Variants in PLAT observed in about 807,000 individuals in gnomAD.
The protein encoded by PLAT is plasminogen activator, tissue type.
In PLAT, 48 loss-of-function variants were observed where a neutral mutation model predicts 74.9. That is an observed-to-expected ratio of 0.64 (90% CI 0.51 to 0.82). PLAT has a LOEUF of 0.82. Among genes scored for constraint, PLAT ranks in the 40% least tolerant of loss-of-function variants. The pLI, the probability that PLAT is intolerant of heterozygous loss-of-function variation, is 0.00. For missense variants in PLAT, 673 were observed against 736.2 expected, an observed-to-expected ratio of 0.91 and a Z score of 0.99; for synonymous variants, 307 against 294.4, an observed-to-expected ratio of 1.04 and a Z score of -0.44.
At chr8:42,206,343 G>C (rs1201343903) in intron 1 of PLAT, among the ~76,000 whole-genome samples, 1 of 152,144 alleles carries the variant, frequency 6.6e-6, no homozygotes, top group Admixed American at 6.6e-5. Flanking sequence ...GCTGGAGTCC[G>C]ACTCTGCCTG....
At chr8:42,198,799 A>T (rs563301150) in intron 1 of PLAT, among the ~76,000 whole-genome samples, 5 of 152,250 alleles carry the variant, frequency 3.3e-5, no homozygotes, top group Admixed American at 3.3e-4. Flanking sequence ...AAACCTGAGC[A>T]AGAGAAAGTC....
intron 1 of PLAT, among the ~76,000 whole-genome samples, chr8:42,202,501 C>T (rs1281946101): frequency 6.6e-6 from 1 of 152,018 alleles, no homozygotes; most frequent in East Asian, 1.9e-4. Context: ...ACCAGACCCC[C>T]ACCCTGCCCC....
intron 7 of PLAT, 138 bp from the exon 8 acceptor site, chr8:42,183,028 C>T (rs1255370477): frequency 8.1e-6 from 5 of 615,710 alleles, no homozygotes; most frequent in African/African-American, 1.9e-5. Context: ...TAACACCTCA[C>T]ACTTCCCCTT....
chr8:42,187,101 TATCA>T (rs8178754), intron 6 of PLAT: 3,344 of 290,268 alleles, frequency 0.012, 103 homozygotes, highest in African/African-American at 0.067. Context: ...ATCAATCATC[TATCA>T]ATCTATCATC....
chr8:42,197,801 A>C (rs1805965610), intron 1 of PLAT, among the ~76,000 whole-genome samples: 1 of 152,248 alleles, frequency 6.6e-6, no homozygotes, highest in African/African-American at 2.4e-5. Flanking sequence ...CGCATAAGGT[A>C]AAAATGACTG....
intron 12 of PLAT, 105 bp downstream of exon 12, chr8:42,179,821 C>T (rs1271473654): frequency 2.5e-6 from 3 of 1,194,656 alleles, no homozygotes; most frequent in Middle Eastern, 4.7e-4. Flanking sequence ...CAGTGCCTGA[C>T]CCGGGGCTGG....
chr8:42,179,291 A>G (rs1301141920), intron 12 of PLAT, among the ~76,000 whole-genome samples: 1 of 152,162 alleles, frequency 6.6e-6, no homozygotes, highest in Non-Finnish European at 1.5e-5. Flanking sequence ...GCTTCGGACC[A>G]GGGAGGTCCC....
chr8:42,190,943 C>T (rs1370521208), intron 3 of PLAT, among the ~76,000 whole-genome samples: 1 of 152,218 alleles, frequency 6.6e-6, no homozygotes. Flanking sequence ...GGGATCACAG[C>T]CTAGGATGAG....
At chr8:42,190,061 C>T (rs1004496103) in intron 3 of PLAT, among the ~76,000 whole-genome samples, 13 of 152,076 alleles carry the variant, frequency 8.5e-5, no homozygotes, top group Non-Finnish European at 1.8e-4. Flanking sequence ...CAGGTGCACA[C>T]CACCACACCC....
chr8:42,178,264 C>CTTTTTT (rs5891180), intron 13 of PLAT, among the ~76,000 whole-genome samples: 15 of 110,032 alleles, frequency 1.4e-4, no homozygotes, highest in African/African-American at 3.0e-4. Flanking sequence ...ACATTTCTTT[C>CTTTTTT]TTTTTTTTTT....
chr8:42,192,740 T>A (rs953247221), intron 2 of PLAT, among the ~76,000 whole-genome samples: 2 of 152,166 alleles, frequency 1.3e-5, no homozygotes, highest in South Asian at 4.1e-4. Context: ...GATTTTGGTA[T>A]CCTTGGGGGT....
intron 8 of PLAT, chr8:42,182,505 C>G (rs1161418543): frequency 1.5e-5 from 7 of 466,026 alleles, no homozygotes; most frequent in East Asian, 7.3e-5. Context: ...AGGCCAGGAC[C>G]CTTAACTTGG....
chr8:42,203,674 A>G (rs1806216101), intron 1 of PLAT, among the ~76,000 whole-genome samples: 2 of 152,158 alleles, frequency 1.3e-5, no homozygotes, highest in Admixed American at 1.3e-4. Context: ...GCAAAATATC[A>G]CTAAGAGGGA....
At position 42,176,112 on chromosome 8, in the gene PLAT, G is replaced by A. The variant is rs1054623089; in HGVS notation, c.1570C>T (p.Arg524Cys). 4.3e-6 allele frequency: 7 copies of A among 1,613,886 alleles called. No individual in the cohort carries two copies. The South Asian group carries it at 4.4e-5, about 10-fold the overall frequency. Reference protein sequence around the residue: ...GGPLVCLNDGRMTLVGIISWG... With the variant: ...GGPLVCLNDGCMTLVGIISWG... ...CTGATGATGCCCACCAAAGTCATGC[G>A]GCCATCGTTCAGACACACCAGGGGG... Residue 524 changes from arginine to cysteine, a missense_variant, in exon 14 of 14, where the codon CGC becomes TGC. Physicochemically the swap from Arg to Cys is radical, Grantham distance 180. Transcript: ENST00000220809.
intron 7 of PLAT, 142 bp downstream of exon 7, chr8:42,184,939 G>A (rs1805392383): frequency 1.8e-6 from 1 of 563,640 alleles, no homozygotes. Context: ...CCTAAGTCCT[G>A]TCTTTCTTCC....
At position 42,180,661 on chromosome 8, in the gene PLAT, C is replaced by A; in HGVS notation, c.914G>T (p.Ser305Ile). ...TCCTTTGATGCGAAACTGAGGCTGG[C>A]TGTACTGTCTCAGGCCGCAGGTGGC... Reference protein sequence around the residue: ...SCSTCGLRQYSQPQFRIKGGL... With the variant: ...SCSTCGLRQYIQPQFRIKGGL... Residue 305 changes from serine (S) to isoleucine (I), a missense_variant, in exon 10 of 14, where the codon AGC (serine) becomes ATC (isoleucine). Coordinates refer to ENST00000220809, the MANE Select transcript of PLAT (RefSeq NM_000930.5). 6.3e-7 allele frequency: 1 copy of A among 1,591,728 alleles called. No homozygotes were observed. Among genetic ancestry groups the A allele is most frequent in the South Asian group, 1.1e-5 (1 of 87,036 alleles).
intron 1 of PLAT, among the ~76,000 whole-genome samples, chr8:42,195,438 TC>T (rs1484879231): frequency 6.6e-6 from 1 of 152,134 alleles, no homozygotes. Context: ...ACCTGTCCCA[TC>T]AGGAGGGAAC....
intron 8 of PLAT, chr8:42,182,510 A>G: frequency 2.1e-6 from 1 of 474,298 alleles, no homozygotes; most frequent in Non-Finnish European, 3.7e-6. Flanking sequence ...AGGACCCTTA[A>G]CTTGGGATTT....
At chr8:42,197,226 G>T (rs543492766) in intron 1 of PLAT, among the ~76,000 whole-genome samples, 1 of 152,360 alleles carries the variant, frequency 6.6e-6, no homozygotes, top group South Asian at 2.1e-4. Context: ...GCACCTGTGT[G>T]TAGGACACAG....
Sources: allele counts gnomAD v4.1 joint callset (sites outside exome capture counted in the v4.1 genomes callset), GRCh38; gene constraint gnomAD v4.1.1; transcripts MANE v1.5; gene names NCBI Gene and HGNC (gene_info 2026-07-23, HGNC 2026-07-21).